Variants in ADGRG2 observed in about 807,000 individuals in gnomAD.
ADGRG2 encodes G protein-coupled receptor 64.
In ADGRG2, 26 loss-of-function variants were observed where a neutral mutation model predicts 74.1. That is an observed-to-expected ratio of 0.35 (90% CI 0.26 to 0.49). The LOEUF (loss-of-function observed/expected upper bound fraction) is 0.49. ADGRG2 is among the 20% of genes least tolerant of loss of function. The probability of loss-of-function intolerance (pLI) is 0.99; values close to 1 mark genes in which losing one functional copy is unlikely to be tolerated. For missense variants in ADGRG2, 619 were observed against 763.1 expected, an observed-to-expected ratio of 0.81 and a Z score of 2.22; for synonymous variants, 296 against 295.2, an observed-to-expected ratio of 1.00 and a Z score of -0.03.
At chrX:19,053,892 C>T (rs961268676) in intron 3 of ADGRG2, among the ~76,000 whole-genome samples, 2 of 111,101 alleles carry the variant, frequency 1.8e-5, no homozygotes, top group Non-Finnish European at 3.8e-5. Context: ...AAGAGAGAGC[C>T]AAGTGAAAGG....
chrX:19,102,497 C>T (rs1184097248), intron 1 of ADGRG2, among the ~76,000 whole-genome samples: 3 of 109,258 alleles, frequency 2.7e-5, no homozygotes, highest in African/African-American at 6.7e-5. Context: ...GAGAAGGCCT[C>T]GCATGGAGGC....
intron 2 of ADGRG2, among the ~76,000 whole-genome samples, chrX:19,070,004 C>T (rs983285742): frequency 8.9e-6 from 1 of 111,928 alleles, no homozygotes; most frequent in African/African-American, 3.2e-5. Context: ...TCGGGGGTCG[C>T]GGGCAACCTG....
intron 1 of ADGRG2, among the ~76,000 whole-genome samples, chrX:19,113,161 T>C (rs745896360): frequency 9.3e-6 from 1 of 107,364 alleles, no homozygotes; most frequent in East Asian, 3.0e-4. Flanking sequence ...GCAGATCACC[T>C]GAGGTCAGGA....
At chrX:19,103,237 G>A (rs768263124) in intron 1 of ADGRG2, among the ~76,000 whole-genome samples, 1 of 111,596 alleles carries the variant, frequency 9.0e-6, no homozygotes, top group East Asian at 2.8e-4. Flanking sequence ...TAATGCATTA[G>A]CATGCTAAAA....
At chrX:19,003,545 CCT>C (rs1244618899) in intron 23 of ADGRG2, among the ~76,000 whole-genome samples, 1 of 111,022 alleles carries the variant, frequency 9.0e-6, no homozygotes, top group Non-Finnish European at 1.9e-5. Flanking sequence ...GCATAAATTT[CCT>C]CTGTTTGAGT....
chrX:19,014,462 T>C (rs1042098185), intron 15 of ADGRG2, among the ~76,000 whole-genome samples: 2 of 111,976 alleles, frequency 1.8e-5, no homozygotes, highest in Middle Eastern at 4.6e-3. Flanking sequence ...TAATCAACTT[T>C]ACACTGCTAT....
chrX:19,099,838 C>T (rs1166814902), intron 1 of ADGRG2, among the ~76,000 whole-genome samples: 1 of 111,258 alleles, frequency 9.0e-6, no homozygotes, highest in East Asian at 2.8e-4. Context: ...GATTTGAGAC[C>T]AGCCTGGGCA....
intron 3 of ADGRG2, among the ~76,000 whole-genome samples, chrX:19,050,635 C>T (rs1202409478): frequency 9.0e-6 from 1 of 111,657 alleles, no homozygotes; most frequent in Non-Finnish European, 1.9e-5. Context: ...CACCTCAAAT[C>T]CCAGCTACTC....
intron 1 of ADGRG2, among the ~76,000 whole-genome samples, chrX:19,085,990 G>A (rs898058512): frequency 1.8e-5 from 2 of 111,477 alleles, no homozygotes; most frequent in Admixed American, 1.9e-4. Flanking sequence ...CCCAGCCAGG[G>A]AGCAGGAACT....
intron 18 of ADGRG2, among the ~76,000 whole-genome samples, chrX:19,008,661 A>C (rs1466998943): frequency 9.1e-6 from 1 of 109,979 alleles, no homozygotes; most frequent in Admixed American, 9.7e-5. Context: ...GCGAGACTCC[A>C]TCTCAAAAAA....
intron 3 of ADGRG2, among the ~76,000 whole-genome samples, chrX:19,046,504 TG>T (rs1254297392): frequency 8.9e-6 from 1 of 112,619 alleles, no homozygotes; most frequent in Non-Finnish European, 1.9e-5. Context: ...TCCAGTGTCT[TG>T]TTTGTGGTTG....
At chrX:19,049,449 T>TG (rs1200241240) in intron 3 of ADGRG2, among the ~76,000 whole-genome samples, 7 of 103,324 alleles carry the variant, frequency 6.8e-5, no homozygotes, top group Admixed American at 1.0e-4. Flanking sequence ...TTTTTTTTTT[T>TG]TTTTTTTTGT....
chrX:19,076,645 T>C, intron 2 of ADGRG2, among the ~76,000 whole-genome samples: 1 of 111,275 alleles, frequency 9.0e-6, no homozygotes, highest in Non-Finnish European at 1.9e-5. Flanking sequence ...GGCTGGCACC[T>C]GTAACCCTAG....
At chrX:19,024,685 G>A (rs1413806736) in intron 11 of ADGRG2, among the ~76,000 whole-genome samples, 1 of 112,122 alleles carries the variant, frequency 8.9e-6, no homozygotes, top group African/African-American at 3.2e-5. Flanking sequence ...CAATGCACGG[G>A]ATACCCCCAC....
At chrX:19,011,425 A>G (rs1021331469) in intron 16 of ADGRG2, among the ~76,000 whole-genome samples, 1 of 112,730 alleles carries the variant, frequency 8.9e-6, no homozygotes, top group African/African-American at 3.2e-5. Context: ...ATAAATCTAA[A>G]AAATATAAAG....
chrX:19,113,115 C>T (rs779512329), intron 1 of ADGRG2, among the ~76,000 whole-genome samples: 2 of 108,859 alleles, frequency 1.8e-5, no homozygotes, highest in South Asian at 8.2e-4. Flanking sequence ...CGGTGGCTCA[C>T]GCCTGTAATC....
At chrX:19,122,225 C>G (rs1347682954) in intron 1 of ADGRG2, among the ~76,000 whole-genome samples, 1 of 112,644 alleles carries the variant, frequency 8.9e-6, no homozygotes, top group African/African-American at 3.2e-5. Context: ...GGAACTAGCC[C>G]CGGGGCTGGG....
At chrX:19,023,263 T>G (rs1212015127) in intron 13 of ADGRG2, among the ~76,000 whole-genome samples, 153 bp downstream of exon 13, 6 of 112,089 alleles carry the variant, frequency 5.4e-5, no homozygotes, top group Non-Finnish European at 1.1e-4. Context: ...GATCAGTGTT[T>G]AGAAAAATAA....
In ADGRG2 at chrX:19,066,445, C is replaced by CTTTTTTTTTT. The variant is rs1225489257; in HGVS notation, c.118+2262_118+2271dup. On this transcript the variant is annotated intron_variant, in intron 3 of 28. Transcript: ENST00000379869. ...AGTCCCATTCCTAATGAGGATGCTT[C>CTTTTTTTTTT]TTTTTTTTTTTTTTTTTTTTTTTTT... 7.5e-5 allele frequency among the ~76,000 whole-genome samples: 3 copies of CTTTTTTTTTT among 39,941 alleles called. 1 individual carries two copies. Among genetic ancestry groups the CTTTTTTTTTT allele is most frequent in the African/African-American group, 3.4e-4 (3 of 8,929 alleles). 34.7% of individuals were successfully genotyped at this position (39,941 alleles called of 115,157 possible). A position where few individuals can be genotyped will look rare whatever the true frequency, so the allele number is the denominator to read the frequency against.
Sources: allele counts gnomAD v4.1 joint callset (sites outside exome capture counted in the v4.1 genomes callset), GRCh38; gene constraint gnomAD v4.1.1; transcripts MANE v1.5; gene names NCBI Gene and HGNC (gene_info 2026-07-23, HGNC 2026-07-21).